GET3: variants seen among roughly 807,000 people sequenced by gnomAD.
The protein encoded by GET3 is ATPase GET3.
GET3 carries 15 observed loss-of-function variants against 32.4 expected under a neutral mutation model. The observed-to-expected ratio is 0.46, with a 90% CI of 0.31 to 0.71. The LOEUF is 0.71. Ranked by LOEUF, GET3 falls within the 30% of genes least tolerant of loss-of-function variation. GET3 has a pLI of 0.05. For missense variants in GET3, 333 were observed against 459.0 expected, an observed-to-expected ratio of 0.73 and a Z score of 2.51; for synonymous variants, 198 against 185.6, an observed-to-expected ratio of 1.07 and a Z score of -0.54.
At position 12,747,412 on chromosome 19, in the gene GET3, C is replaced by T. The variant is rs1419864664; in HGVS notation, c.735C>T (p.Ile245=). ...CCCTGTAGGAGCAGACAACTTTCATCTGCGTATGCATTGCTGAGTTCCTGT... is the reference window on the plus strand; with the variant it reads ...CCCTGTAGGAGCAGACAACTTTCATTTGCGTATGCATTGCTGAGTTCCTGT... ...QFKDPEQTTF[I]CVCIAEFLSL... The change falls in exon 6 of 7, where the codon ATC becomes ATT. Residue 245 remains isoleucine (I), a synonymous_variant. Transcript: ENST00000357332. This position sits in a 1 kb window ranked among gnomAD's most constrained non-coding sequence, Gnocchi z 4.0. 2 of 1,614,182 alleles carry T rather than the reference C, an allele frequency of 1.2e-6. No homozygotes were observed.
Position 12,747,718 on chromosome 19 carries a change from C to A in GET3, c.915+126C>A. 7.8e-7 allele frequency: 1 copy of A among 1,284,494 alleles called. No homozygotes were observed. The highest frequency in any genetic ancestry group is 1.1e-6 in the Non-Finnish European group (1 of 936,780). The allele number at this position is 1,284,494 out of a possible 1,614,324, so 79.6% of individuals were successfully genotyped here. Reference sequence around the variant, plus strand: ...GCCCTTTGCCCCCACATTTCAGATCCTTCACCCTTATTCCGGCCATAGAGG... The same window carrying A: ...GCCCTTTGCCCCCACATTTCAGATCATTCACCCTTATTCCGGCCATAGAGG... On this transcript the variant is annotated intron_variant, in intron 6 of 6. Coordinates refer to ENST00000357332, the MANE Select transcript of GET3 (RefSeq NM_004317.4). The surrounding 1 kb of genome is among the most constrained non-coding windows in gnomAD (Gnocchi z 4.0).
At chr19:12,743,527 G>A (rs1361384564) in intron 2 of GET3, among the ~76,000 whole-genome samples, 6 of 142,016 alleles carry the variant, frequency 4.2e-5, no homozygotes, top group Non-Finnish European at 9.3e-5. Context: ...GTGATGGCTC[G>A]TGCCTGTAAT....
At chr19:12,741,313 G>A (rs973152950) in intron 2 of GET3, among the ~76,000 whole-genome samples, 7 of 151,892 alleles carry the variant, frequency 4.6e-5, no homozygotes, top group African/African-American at 1.5e-4. Context: ...AAAGTTAGCC[G>A]GGCGTGATGG....
Position 12,737,682 on chromosome 19 carries a change from C to CG in GET3, c.161+21dup. 6.2e-7 allele frequency: 1 copy of CG among 1,600,830 alleles called. No individual in the cohort carries two copies. Among genetic ancestry groups the CG allele is most frequent in the South Asian group, 1.1e-5 (1 of 89,632 alleles). ...CCACCTGCAGGTAAGGAGGCTGCGG[C>CG]GGGGGCCAGGAGGCGTGTAGGATAT... is the stretch of plus-strand genomic sequence containing the variant. On this transcript the variant is annotated intron_variant, in intron 1 of 6. Transcript: ENST00000357332.
At position 12,748,299 on chromosome 19, in the gene GET3, C is replaced by G. The variant is rs1967813705; in HGVS notation, c.*195C>G. Reference sequence around the variant, plus strand: ...CCCCCTACCTCTCCCACCTCTTGCTCTTCAATAAAATGATCTTAAACTGCT... The same window carrying G: ...CCCCCTACCTCTCCCACCTCTTGCTGTTCAATAAAATGATCTTAAACTGCT... On this transcript the variant is annotated 3_prime_UTR_variant, in exon 7 of 7. Transcript: ENST00000357332. The G allele has an allele frequency of 5.8e-6, 3 of 514,258 alleles. No homozygotes were observed. The highest frequency in any genetic ancestry group is 1.9e-5 in the African/African-American group (1 of 51,992). The allele number at this position is 514,258 out of a possible 1,614,324, so 31.9% of individuals were successfully genotyped here. A position where few individuals can be genotyped will look rare whatever the true frequency, so the allele number is the denominator to read the frequency against.
In GET3 at chr19:12,745,072, G is replaced by T. The variant is rs1967744090; in HGVS notation, c.310-305G>T. ...ATGGGAGTATCTGGGGTTGCAAGTG[G>T]CAGGTTGCAAGTGGGGAGTAGCAGT... On this transcript the variant is annotated intron_variant, in intron 2 of 6. Coordinates refer to ENST00000357332, the MANE Select transcript of GET3 (RefSeq NM_004317.4). The surrounding 1 kb of genome is among the most constrained non-coding windows in gnomAD (Gnocchi z 5.0). Among the ~76,000 whole-genome samples the T allele has an allele frequency of 6.6e-6, 1 of 152,106 alleles. No homozygotes were observed. Among genetic ancestry groups the T allele is most frequent in the South Asian group, 2.1e-4 (1 of 4,820 alleles).
intron 2 of GET3, among the ~76,000 whole-genome samples, chr19:12,740,950 C>G (rs931635933): frequency 6.6e-6 from 1 of 152,192 alleles, no homozygotes; most frequent in Non-Finnish European, 1.5e-5. Flanking sequence ...GAGAAAATAC[C>G]ACATAAACAC....
chr19:12,746,701 A>G (rs879058393), intron 4 of GET3, among the ~76,000 whole-genome samples: 2 of 152,246 alleles, frequency 1.3e-5, no homozygotes, highest in South Asian at 4.1e-4. Flanking sequence ...CCCCTTAGCT[A>G]TGGTTCCCTA....
At position 12,747,545 on chromosome 19, in the gene GET3, A is replaced by G; in HGVS notation, c.868A>G (p.Lys290Glu). Residue 290 changes from lysine (K) to glutamate (E), a missense_variant, in exon 6 of 7, where the codon AAG becomes GAG. Physicochemically the swap from Lys to Glu is moderately conservative, Grantham distance 56. Around this residue, in one of 3 missense-constraint regions of GET3, gnomAD observed 230 missense variants for 389.2 expected, o/e 0.59. Transcript: ENST00000357332. The surrounding 1 kb of genome is among the most constrained non-coding windows in gnomAD (Gnocchi z 4.0). The stretch of plus-strand genomic sequence containing the variant: ...CTTCCCCGACCCCGAGAAGCCCTGC[A>G]AGATGTGTGAGGCCCGTCACAAGAT... ...LVFPDPEKPCKMCEARHKIQA... is the reference protein window; with the variant it reads ...LVFPDPEKPCEMCEARHKIQA... 3 of 1,613,656 alleles carry G rather than the reference A, an allele frequency of 1.9e-6. No individual in the cohort carries two copies. Among genetic ancestry groups the G allele is most frequent in the African/African-American group, 1.3e-5 (1 of 74,852 alleles).
At chr19:12,744,308 G>A (rs1967729086) in intron 2 of GET3, among the ~76,000 whole-genome samples, 1 of 151,404 alleles carries the variant, frequency 6.6e-6, no homozygotes, top group Non-Finnish European at 1.5e-5. Context: ...CTACATACAT[G>A]TTTGTGTTTT....
At position 12,745,495 on chromosome 19, in the gene GET3, A is replaced by G. The variant is rs1967753946; in HGVS notation, c.428A>G (p.Asp143Gly). Residue 143 changes from aspartate (D) to glycine (G), a missense_variant, in exon 3 of 7, where the codon GAT (aspartate) becomes GGT (glycine). Physicochemically the swap from Asp to Gly is moderately conservative, Grantham distance 94 (BLOSUM62 -1). Around this residue, in one of 3 missense-constraint regions of GET3, gnomAD observed 230 missense variants for 389.2 expected, o/e 0.59. Transcript: ENST00000357332. This position sits in a 1 kb window ranked among gnomAD's most constrained non-coding sequence, Gnocchi z 5.0. ...QEAMSAFPGIDEAMSYAEVMR... is the reference protein window; with the variant it reads ...QEAMSAFPGIGEAMSYAEVMR... ...GCCATGAGCGCATTTCCCGGCATCG[A>G]TGAGGCCATGAGCTATGCCGAGGTC... 6.2e-7 allele frequency: 1 copy of G among 1,613,232 alleles called. No individual in the cohort carries two copies.
intron 2 of GET3, among the ~76,000 whole-genome samples, chr19:12,742,506 C>T (rs1967690159): frequency 6.6e-6 from 1 of 152,142 alleles, no homozygotes; most frequent in Non-Finnish European, 1.5e-5. Flanking sequence ...CCTCTTCCTC[C>T]CGATTTCAAG....
At chr19:12,743,118 G>A (rs1049942055) in intron 2 of GET3, among the ~76,000 whole-genome samples, 2 of 152,346 alleles carry the variant, frequency 1.3e-5, no homozygotes, top group South Asian at 4.1e-4. Context: ...TAAGGCCAGC[G>A]AGTTGGGTAC....
At chr19:12,742,393 G>A (rs1362708694) in intron 2 of GET3, among the ~76,000 whole-genome samples, 10 of 151,584 alleles carry the variant, frequency 6.6e-5, no homozygotes, top group Non-Finnish European at 1.0e-4. Flanking sequence ...CACCACATCC[G>A]GCTAATTTTT....
Position 12,748,156 on chromosome 19 carries a change from C to T in GET3, c.*52C>T. The T allele has an allele frequency of 3.3e-6, 5 of 1,516,832 alleles. No homozygotes were observed. The highest frequency in any genetic ancestry group is 4.4e-6 in the Non-Finnish European group (5 of 1,124,694). 94.0% of individuals were successfully genotyped at this position (1,516,832 alleles called of 1,614,324 possible). ...ATTTCACACTCACCCTCCACCCTCC[C>T]CACCCCCTCGGGGCAGAGTTTGCAC... On this transcript the variant is annotated 3_prime_UTR_variant, in exon 7 of 7. Coordinates refer to ENST00000357332, the MANE Select transcript of GET3 (RefSeq NM_004317.4).
In GET3 at chr19:12,748,158, A is replaced by T; in HGVS notation, c.*54A>T. ...TTCACACTCACCCTCCACCCTCCCC[A>T]CCCCCTCGGGGCAGAGTTTGCACAA... On this transcript the variant is annotated 3_prime_UTR_variant, in exon 7 of 7. Transcript: ENST00000357332. The T allele has an allele frequency of 6.8e-7, 1 of 1,479,250 alleles. No individual in the cohort carries two copies. 91.6% of individuals were successfully genotyped at this position (1,479,250 alleles called of 1,614,324 possible). A position where few individuals can be genotyped will look rare whatever the true frequency, so the allele number is the denominator to read the frequency against.
chr19:12,748,234 G>T lies in GET3; in HGVS notation c.*130G>T, dbSNP rs943072328. 1.1e-6 allele frequency: 1 copy of T among 899,036 alleles called. No individual in the cohort carries two copies. The highest frequency in any genetic ancestry group is 1.6e-6 in the Non-Finnish European group (1 of 638,674). The allele number at this position is 899,036 out of a possible 1,614,324, so 55.7% of individuals were successfully genotyped here. A position where few individuals can be genotyped will look rare whatever the true frequency, so the allele number is the denominator to read the frequency against. On this transcript the variant is annotated 3_prime_UTR_variant, in exon 7 of 7. Coordinates refer to ENST00000357332, the MANE Select transcript of GET3 (RefSeq NM_004317.4). Reference sequence around the variant, plus strand: ...CCACTTGGGCAGGAGGCAGGGAGGGGTCCATTCCCCCTGGTGGGGCTGGTG... The same window carrying T: ...CCACTTGGGCAGGAGGCAGGGAGGGTTCCATTCCCCCTGGTGGGGCTGGTG...
At chr19:12,743,491 C>A (rs952577086) in intron 2 of GET3, among the ~76,000 whole-genome samples, 4 of 148,176 alleles carry the variant, frequency 2.7e-5, no homozygotes, top group Non-Finnish European at 6.0e-5. Context: ...AAAAAAATTA[C>A]AAAAATTAGC....
At chr19:12,744,600 A>G (rs1001068184) in intron 2 of GET3, among the ~76,000 whole-genome samples, 1 of 152,178 alleles carries the variant, frequency 6.6e-6, no homozygotes, top group Admixed American at 6.5e-5. Context: ...AATTACAGGC[A>G]TGAGGTACCG....
Sources: gnomAD v4.1 joint callset for allele counts (sites outside exome capture counted in the v4.1 genomes callset) on GRCh38, gnomAD v4.1.1 for gene constraint, gnomAD v4.1.1 regional missense constraint, Gnocchi (gnomAD v3.1) non-coding constraint, MANE v1.5 for transcripts, NCBI Gene and HGNC (gene_info 2026-07-23, HGNC 2026-07-21) for gene names.